Variants in UQCRB observed in about 807,000 individuals in gnomAD.
UQCRB encodes the protein ubiquinol-cytochrome c reductase binding protein, also known as cytochrome b-c1 complex subunit 7.
UQCRB carries 12 observed loss-of-function variants against 19.8 expected under a neutral mutation model. The observed-to-expected ratio is 0.61, with a 90% CI of 0.39 to 0.98. The LOEUF (loss-of-function observed/expected upper bound fraction) is 0.98. UQCRB is among the 50% of genes least tolerant of loss of function. The probability of loss-of-function intolerance (pLI) is 0.00; values close to 1 mark genes in which losing one functional copy is unlikely to be tolerated. For synonymous variants in UQCRB, 39 were observed against 42.9 expected, an observed-to-expected ratio of 0.91 and a Z score of 0.35; for missense variants, 142 against 131.8, an observed-to-expected ratio of 1.08 and a Z score of -0.38.
Position 96,229,791 on chromosome 8 carries a change from T to G in UQCRB, c.*1264A>C, listed in dbSNP as rs184176275. On this transcript the variant is annotated 3_prime_UTR_variant, in exon 4 of 4. Transcript: ENST00000287022. The stretch of plus-strand genomic sequence containing the variant: ...GAAAAAAAAAAGCGGGGGAGGGGGT[T>G]CCTAGAGAATTTAAGAGGCTAATAT... 2.2e-6 allele frequency: 1 copy of G among 453,708 alleles called. No individual in the cohort carries two copies. Among genetic ancestry groups the G allele is most frequent in the East Asian group, 7.0e-5 (1 of 14,388 alleles). The allele number at this position is 453,708 out of a possible 1,614,324, so 28.1% of individuals were successfully genotyped here.
At position 96,229,485 on chromosome 8, in the gene UQCRB, C is replaced by T. The variant is rs1000664450; in HGVS notation, c.*1570G>A. On this transcript the variant is annotated 3_prime_UTR_variant, in exon 4 of 4. Transcript: ENST00000287022. ...TAATTGTGCACAGTAGACGTCTGAACGAATAGACCAGAGTCCTGCAAACGT... is the reference window on the plus strand; with the variant it reads ...TAATTGTGCACAGTAGACGTCTGAATGAATAGACCAGAGTCCTGCAAACGT... 2.9e-5 allele frequency: 13 copies of T among 453,948 alleles called. No individual in the cohort carries two copies. The highest frequency in any genetic ancestry group is 1.4e-4 in the African/African-American group (7 of 49,980). 28.1% of individuals were successfully genotyped at this position (453,948 alleles called of 1,614,324 possible). A position where few individuals can be genotyped will look rare whatever the true frequency, so the allele number is the denominator to read the frequency against.
rs1470119677 is a variant in UQCRB, at chr8:96,227,606, C to T, written c.*3449G>A. ...CTGTCAAGGATTTGGTTATGACAATCTTCATGTTCACCTAACTTTTTAATT... is the reference window on the plus strand; with the variant it reads ...CTGTCAAGGATTTGGTTATGACAATTTTCATGTTCACCTAACTTTTTAATT... On this transcript the variant is annotated 3_prime_UTR_variant, in exon 4 of 4. Transcript: ENST00000287022. The T allele has an allele frequency of 1.5e-5, 7 of 453,996 alleles. No individual in the cohort carries two copies. The highest frequency in any genetic ancestry group is 2.3e-5 in the Admixed American group (1 of 42,558). The allele number at this position is 453,996 out of a possible 1,614,324, so 28.1% of individuals were successfully genotyped here. A position where few individuals can be genotyped will look rare whatever the true frequency, so the allele number is the denominator to read the frequency against.
intron 1 of UQCRB, chr8:96,234,423 A>G: frequency 9.4e-7 from 1 of 1,060,538 alleles, no homozygotes; most frequent in Admixed American, 2.4e-5. Flanking sequence ...GCTGGCTTAC[A>G]GAAGTGATCC....
In UQCRB at chr8:96,227,358, A is replaced by C. The variant is rs566299827; in HGVS notation, c.*3697T>G. 2.2e-6 allele frequency: 1 copy of C among 454,110 alleles called. No individual in the cohort carries two copies. Among genetic ancestry groups the C allele is most frequent in the South Asian group, 1.6e-5 (1 of 64,470 alleles). 28.1% of individuals were successfully genotyped at this position (454,110 alleles called of 1,614,324 possible). A position where few individuals can be genotyped will look rare whatever the true frequency, so the allele number is the denominator to read the frequency against. ...AGTTGGTGGGGCGCAGAATGGAGAA[A>C]TCTTCCATAGTGCTCGTGTGATGTA... On this transcript the variant is annotated 3_prime_UTR_variant, in exon 4 of 4. Transcript: ENST00000287022.
In UQCRB at chr8:96,224,218, A is replaced by T. The variant is rs147432064; in HGVS notation, c.*6837T>A. 5.1e-4 allele frequency among the ~76,000 whole-genome samples: 78 copies of T among 152,310 alleles called. No homozygotes were observed. In the East Asian group the frequency reaches 0.012, roughly 24 times the overall value. On this transcript the variant is annotated 3_prime_UTR_variant, in exon 4 of 4. Transcript: ENST00000287022. ...CAATTAACAAACGGCAGGCAAGGTC[A>T]AGGAGAACCAACTTTGATAGAGATA...
rs1299970877 is a variant in UQCRB, at chr8:96,230,983, A to C, written c.*72T>G. 2.7e-6 allele frequency: 4 copies of C among 1,483,918 alleles called. No homozygotes were observed. Among genetic ancestry groups the C allele is most frequent in the Non-Finnish European group, 3.8e-6 (4 of 1,063,548 alleles). The allele number at this position is 1,483,918 out of a possible 1,614,324, so 91.9% of individuals were successfully genotyped here. A position where few individuals can be genotyped will look rare whatever the true frequency, so the allele number is the denominator to read the frequency against. On this transcript the variant is annotated 3_prime_UTR_variant, in exon 4 of 4. Transcript: ENST00000287022. The stretch of plus-strand genomic sequence containing the variant: ...AAAGTAAAACATCTTCAGACCAAAT[A>C]ATTCTTAAAATTGTTTGTTTCAAGT...
rs1252799960 is a variant in UQCRB at position 96,230,753 on chromosome 8, G to T, written c.*302C>A. On this transcript the variant is annotated 3_prime_UTR_variant, in exon 4 of 4. Coordinates refer to ENST00000287022, the MANE Select transcript of UQCRB (RefSeq NM_006294.5). The stretch of plus-strand genomic sequence containing the variant: ...AGCTTCCATAAGGATGTAACTTACG[G>T]AAGTTATATCCTTCCATAAACTGAT... 3.7e-6 allele frequency: 2 copies of T among 541,008 alleles called. No individual in the cohort carries two copies. Among genetic ancestry groups the T allele is most frequent in the Admixed American group, 2.2e-5 (1 of 45,206 alleles). The allele number at this position is 541,008 out of a possible 1,614,324, so 33.5% of individuals were successfully genotyped here.
intron 2 of UQCRB, chr8:96,232,678 A>G: frequency 6.2e-6 from 1 of 161,372 alleles, no homozygotes; most frequent in South Asian, 1.7e-4. Flanking sequence ...TACTACATAC[A>G]AAAAAAATTA....
intron 3 of UQCRB, 113 bp from the exon 4 acceptor site, chr8:96,231,245 GA>G (rs1563537511): frequency 1.2e-6 from 2 of 1,602,382 alleles, no homozygotes; most frequent in East Asian, 4.5e-5. Flanking sequence ...TCCAATTTTA[GA>G]AAACATATTC....
At chr8:96,232,677 CAAA>C (rs1035678708) in intron 2 of UQCRB, 1 of 162,308 alleles carries the variant, frequency 6.2e-6, no homozygotes, top group African/African-American at 2.4e-5. Flanking sequence ...CTACTACATA[CAAA>C]AAAAATTAGC....
chr8:96,228,512 C>T lies in UQCRB; in HGVS notation c.*2543G>A, dbSNP rs1360131936. On this transcript the variant is annotated 3_prime_UTR_variant, in exon 4 of 4. Coordinates refer to ENST00000287022, the MANE Select transcript of UQCRB (RefSeq NM_006294.5). The stretch of plus-strand genomic sequence containing the variant: ...TGCCACATAGAAGGAAGAGAGGAGA[C>T]CTTGGACCTTAGCTACTGGTTAGCT... 1.8e-5 allele frequency: 8 copies of T among 453,970 alleles called. No homozygotes were observed. Among genetic ancestry groups the T allele is most frequent in the Non-Finnish European group, 3.1e-5 (7 of 226,790 alleles). The allele number at this position is 453,970 out of a possible 1,614,324, so 28.1% of individuals were successfully genotyped here. A position where few individuals can be genotyped will look rare whatever the true frequency, so the allele number is the denominator to read the frequency against.
chr8:96,227,180 A>C lies in UQCRB; in HGVS notation c.*3875T>G. 1 of 452,884 alleles carries C rather than the reference A, an allele frequency of 2.2e-6. No individual in the cohort carries two copies. 28.1% of individuals were successfully genotyped at this position (452,884 alleles called of 1,614,324 possible). A position where few individuals can be genotyped will look rare whatever the true frequency, so the allele number is the denominator to read the frequency against. The stretch of plus-strand genomic sequence containing the variant: ...AGGAAATATGGTCATAACTGATTGA[A>C]GTAATAAAATCCTGAAACTAAATAA... On this transcript the variant is annotated 3_prime_UTR_variant, in exon 4 of 4. Transcript: ENST00000287022.
Position 96,230,087 on chromosome 8 carries a change from T to C in UQCRB, c.*968A>G, listed in dbSNP as rs767120145. On this transcript the variant is annotated 3_prime_UTR_variant, in exon 4 of 4. Transcript: ENST00000287022. ...AAATGATGACAACATTGAATAATCC[T>C]AATTTTTTTTTTGAGACAGTCAATG... 3 of 454,058 alleles carry C rather than the reference T, an allele frequency of 6.6e-6. No homozygotes were observed. Among genetic ancestry groups the C allele is most frequent in the East Asian group, 7.0e-5 (1 of 14,382 alleles). The allele number at this position is 454,058 out of a possible 1,614,324, so 28.1% of individuals were successfully genotyped here.
intron 1 of UQCRB, chr8:96,235,286 C>A (rs998485391): frequency 9.4e-6 from 6 of 638,322 alleles, no homozygotes; most frequent in African/African-American, 9.1e-5. Flanking sequence ...CCACCGCGGG[C>A]ACCTTCACAA....
chr8:96,234,753 C>CA, intron 1 of UQCRB: 1 of 275,176 alleles, frequency 3.6e-6, no homozygotes, highest in Non-Finnish European at 7.2e-6. Context: ...GCCTGGGCGA[C>CA]AAAGCAAGAC....
Position 96,229,292 on chromosome 8 carries a change from A to C in UQCRB, c.*1763T>G, listed in dbSNP as rs1274807232. On this transcript the variant is annotated 3_prime_UTR_variant, in exon 4 of 4. Transcript: ENST00000287022. ...TTCCTGTTATACCTCAGTCTTGGTC[A>C]GTTCTATTTGTTCCCCTGTCCTTCA... 2 of 454,112 alleles carry C rather than the reference A, an allele frequency of 4.4e-6. No individual in the cohort carries two copies. The highest frequency in any genetic ancestry group is 2.3e-5 in the Admixed American group (1 of 42,580). 28.1% of individuals were successfully genotyped at this position (454,112 alleles called of 1,614,324 possible). A position where few individuals can be genotyped will look rare whatever the true frequency, so the allele number is the denominator to read the frequency against.
chr8:96,227,794 G>A lies in UQCRB; in HGVS notation c.*3261C>T, dbSNP rs978304133. On this transcript the variant is annotated 3_prime_UTR_variant, in exon 4 of 4. Coordinates refer to ENST00000287022, the MANE Select transcript of UQCRB (RefSeq NM_006294.5). Reference sequence around the variant, plus strand: ...TTAGTGCAGAGTTAATGCTTGAAAAGGGAGTCCTTAAAGTAAATAACTAAA... The same window carrying A: ...TTAGTGCAGAGTTAATGCTTGAAAAAGGAGTCCTTAAAGTAAATAACTAAA... 8.8e-6 allele frequency: 4 copies of A among 453,658 alleles called. No homozygotes were observed. The highest frequency in any genetic ancestry group is 1.8e-5 in the Non-Finnish European group (4 of 226,648). The allele number at this position is 453,658 out of a possible 1,614,324, so 28.1% of individuals were successfully genotyped here. A position where few individuals can be genotyped will look rare whatever the true frequency, so the allele number is the denominator to read the frequency against.
Position 96,228,124 on chromosome 8 carries a change from A to G in UQCRB, c.*2931T>C, listed in dbSNP as rs867860092. On this transcript the variant is annotated 3_prime_UTR_variant, in exon 4 of 4. Coordinates refer to ENST00000287022, the MANE Select transcript of UQCRB (RefSeq NM_006294.5). ...GTAGTGCACTACAACAGTGAACATA[A>G]GCCAGCCATCTGTTTTTTTGCAAAG... is the stretch of plus-strand genomic sequence containing the variant. 3.1e-5 allele frequency: 14 copies of G among 454,040 alleles called. No homozygotes were observed. Among genetic ancestry groups the G allele is most frequent in the African/African-American group, 2.4e-4 (12 of 50,024 alleles). 28.1% of individuals were successfully genotyped at this position (454,040 alleles called of 1,614,324 possible).
intron 1 of UQCRB, chr8:96,235,294 CA>C: frequency 3.0e-6 from 2 of 666,776 alleles, no homozygotes; most frequent in Non-Finnish European, 5.2e-6. Flanking sequence ...GGCACCTTCA[CA>C]AACAGCGGGT....
Sources: allele counts gnomAD v4.1 joint callset (sites outside exome capture counted in the v4.1 genomes callset), GRCh38; gene constraint gnomAD v4.1.1; transcripts MANE v1.5; gene names NCBI Gene and HGNC (gene_info 2026-07-23, HGNC 2026-07-21).